BRMS1: variants seen among roughly 807,000 people sequenced by gnomAD.
The protein encoded by BRMS1 is BRMS1 transcriptional repressor and anoikis regulator.
A neutral mutation model predicts 40.4 loss-of-function variants in BRMS1; 26 were observed. That is an observed-to-expected ratio of 0.64 (90% CI 0.47 to 0.89). The LOEUF (loss-of-function observed/expected upper bound fraction) is 0.89. Among genes scored for constraint, BRMS1 ranks in the 40% least tolerant of loss-of-function variants. The pLI is 0.00. For synonymous variants in BRMS1, 103 were observed against 116.0 expected (o/e 0.89, Z 0.72); for missense variants, 289 against 309.4 (o/e 0.93, Z 0.49).
chr11:66,344,228 A>G (rs1855152851), intron 1 of BRMS1, among the ~76,000 whole-genome samples: 1 of 152,224 alleles, frequency 6.6e-6, no homozygotes, highest in African/African-American at 2.4e-5. Context: ...AATTTAACAA[A>G]AAAATTTTTT....
rs1855071824 is a variant in BRMS1, at chr11:66,341,436, C to T, written c.230+97G>A. ...CACAGCAAGCCCGGTGTTAGGCGCG[C>T]ACTTCCTGGGCACCAACCACGCCTG... On this transcript the variant is annotated intron_variant, in intron 3 of 9. Coordinates refer to ENST00000359957, the MANE Select transcript of BRMS1 (RefSeq NM_015399.4). This position sits in a 1 kb window ranked among gnomAD's most constrained non-coding sequence, Gnocchi z 4.9. 8 of 1,602,782 alleles carry T rather than the reference C, an allele frequency of 5.0e-6. No individual in the cohort carries two copies. Among genetic ancestry groups the T allele is most frequent in the Non-Finnish European group, 6.8e-6 (8 of 1,171,672 alleles).
rs1854958469 is a variant in BRMS1, at chr11:66,337,788, G to A, written c.*94C>T. The A allele has an allele frequency of 3.1e-6, 5 of 1,613,894 alleles. No homozygotes were observed. The highest frequency in any genetic ancestry group is 4.2e-6 in the Non-Finnish European group (5 of 1,179,902). On this transcript the variant is annotated 3_prime_UTR_variant, in exon 10 of 10. Transcript: ENST00000359957. ...GGAGCCTGGCTGGGCAGACCCTGAGGGGCCTGTGGGTCCGCCTGTCTGCAG... is the reference window on the plus strand; with the variant it reads ...GGAGCCTGGCTGGGCAGACCCTGAGAGGCCTGTGGGTCCGCCTGTCTGCAG...
At chr11:66,339,961 G>C (rs754500944) in intron 7 of BRMS1, 160 bp downstream of exon 7, 120 of 599,260 alleles carry the variant, frequency 2.0e-4, no homozygotes, top group Non-Finnish European at 3.4e-4. Context: ...GTAAGAAACT[G>C]CTGACAGCTG....
At chr11:66,338,360 GGC>G in intron 8 of BRMS1, 78 bp from the exon 9 acceptor site, 1 of 1,551,294 alleles carries the variant, frequency 6.4e-7, no homozygotes, top group Non-Finnish European at 8.7e-7. Context: ...CCACCTCTGT[GGC>G]TTGTGGGCTG....
At chr11:66,344,233 T>A (rs573238985) in intron 1 of BRMS1, among the ~76,000 whole-genome samples, 11 of 152,328 alleles carry the variant, frequency 7.2e-5, no homozygotes, top group Admixed American at 2.0e-4. Flanking sequence ...AACAAAAAAA[T>A]TTTTTGTGAG....
Position 66,341,543 on chromosome 11 carries a change from G to A in BRMS1, c.220C>T (p.Leu74=), listed in dbSNP as rs747521356. ...MLDLEKQFSE[L]KEKLFRERLS... ...TGTCCCCACGCTCACTTCTCCTTTA[G>A]CTCCGAGAACTGCTTCTCTAGGTCC... Residue 74 remains leucine, a synonymous_variant, in exon 3 of 10, where the codon CTA becomes TTA. Transcript: ENST00000359957. This position sits in a 1 kb window ranked among gnomAD's most constrained non-coding sequence, Gnocchi z 4.9. The A allele has an allele frequency of 6.2e-7, 1 of 1,613,984 alleles. No homozygotes were observed. Among genetic ancestry groups the A allele is most frequent in the Non-Finnish European group, 8.5e-7 (1 of 1,179,966 alleles).
In BRMS1 at chr11:66,341,501, G is replaced by T; in HGVS notation, c.230+32C>A. ...CACCACCTCCTCATCCCAGATCCTC[G>T]CAGACCCAGCCCAAGGTGTCCCCAC... On this transcript the variant is annotated intron_variant, in intron 3 of 9. Coordinates refer to ENST00000359957, the MANE Select transcript of BRMS1 (RefSeq NM_015399.4). The surrounding 1 kb of genome is among the most constrained non-coding windows in gnomAD (Gnocchi z 4.9). 6.2e-7 allele frequency: 1 copy of T among 1,610,636 alleles called. No individual in the cohort carries two copies.
intron 7 of BRMS1, among the ~76,000 whole-genome samples, chr11:66,339,529 C>A (rs1053802831): frequency 1.3e-5 from 2 of 152,186 alleles, no homozygotes; most frequent in African/African-American, 4.8e-5. Context: ...TCGGGACAGG[C>A]AGGACTTCCA....
chr11:66,343,105 A>C (rs1855121624), intron 1 of BRMS1, among the ~76,000 whole-genome samples: 1 of 152,110 alleles, frequency 6.6e-6, no homozygotes, highest in African/African-American at 2.4e-5. Context: ...AACCTCACCC[A>C]TTCCACCTAA....
rs972753531 is a variant in BRMS1, at chr11:66,337,993, T to C, written c.734-104A>G. On this transcript the variant is annotated intron_variant, in intron 9 of 9. Coordinates refer to ENST00000359957, the MANE Select transcript of BRMS1 (RefSeq NM_015399.4). ...TTGGGCTGGCCCAGAACAGGCCTCCTGGGCAGCTCCACAGCCCTCCCTGAC... is the reference window on the plus strand; with the variant it reads ...TTGGGCTGGCCCAGAACAGGCCTCCCGGGCAGCTCCACAGCCCTCCCTGAC... 10 of 1,352,656 alleles carry C rather than the reference T, an allele frequency of 7.4e-6. No homozygotes were observed. The Admixed American group carries it at 1.8e-4, about 24-fold the overall frequency. The allele number at this position is 1,352,656 out of a possible 1,614,324, so 83.8% of individuals were successfully genotyped here. A position where few individuals can be genotyped will look rare whatever the true frequency, so the allele number is the denominator to read the frequency against.
chr11:66,340,290 A>T, intron 6 of BRMS1, 77 bp from the exon 7 acceptor site: 1 of 1,348,488 alleles, frequency 7.4e-7, no homozygotes, highest in Non-Finnish European at 1.0e-6. Context: ...TGCCTCCACC[A>T]TGGGCCGGCC....
In BRMS1 at chr11:66,337,675, C is replaced by A; in HGVS notation, c.*207G>T. The A allele has an allele frequency of 6.4e-7, 1 of 1,569,742 alleles. No individual in the cohort carries two copies. On this transcript the variant is annotated 3_prime_UTR_variant, in exon 10 of 10. Transcript: ENST00000359957. ...CAGCCTTGCCTGGTCAGGTCAGCTC[C>A]ACGGCCACAGCTGTGCAGGCCTCGA...
At chr11:66,340,508 G>A (rs1590928265) in intron 6 of BRMS1, among the ~76,000 whole-genome samples, 1 of 152,322 alleles carries the variant, frequency 6.6e-6, no homozygotes, top group Middle Eastern at 3.4e-3. Flanking sequence ...ACATGGAGGG[G>A]ACTAGAGCTA....
At chr11:66,339,832 G>A (rs2134961467) in intron 7 of BRMS1, 1 of 321,144 alleles carries the variant, frequency 3.1e-6, no homozygotes, top group Non-Finnish European at 5.8e-6. Context: ...GAACTCCTGG[G>A]CCCGAGCAAT....
rs563052417 is a variant in BRMS1, at chr11:66,341,128, C to T, written c.358+78G>A. On this transcript the variant is annotated intron_variant, in intron 4 of 9. Coordinates refer to ENST00000359957, the MANE Select transcript of BRMS1 (RefSeq NM_015399.4). This position sits in a 1 kb window ranked among gnomAD's most constrained non-coding sequence, Gnocchi z 4.9. Reference sequence around the variant, plus strand: ...GAGGGCTGAGAGCAAAGGGCAAGGCCGGGCAGGAACGAGAGAGGAAGGGGA... The same window carrying T: ...GAGGGCTGAGAGCAAAGGGCAAGGCTGGGCAGGAACGAGAGAGGAAGGGGA... 1.6e-4 allele frequency: 264 copies of T among 1,612,024 alleles called. No individual in the cohort carries two copies. Among genetic ancestry groups the T allele is most frequent in the Admixed American group, 1.5e-3 (92 of 59,978 alleles).
At chr11:66,340,016 C>G (rs1347351682) in intron 7 of BRMS1, 105 bp downstream of exon 7, 2 of 856,292 alleles carry the variant, frequency 2.3e-6, no homozygotes, top group Non-Finnish European at 3.8e-6. Context: ...ACCACGAGTG[C>G]ATCTAGTGTG....
Position 66,341,179 on chromosome 11 carries a change from G to A in BRMS1, c.358+27C>T. ...CAGGGTGCCACGGGTTCTGGGAGGG[G>A]AAGAGGGTACAGAACCACCCACAGA... On this transcript the variant is annotated intron_variant, in intron 4 of 9. Coordinates refer to ENST00000359957, the MANE Select transcript of BRMS1 (RefSeq NM_015399.4). This position sits in a 1 kb window ranked among gnomAD's most constrained non-coding sequence, Gnocchi z 4.9. The A allele has an allele frequency of 6.2e-7, 1 of 1,611,374 alleles. No homozygotes were observed. The highest frequency in any genetic ancestry group is 1.3e-5 in the African/African-American group (1 of 74,964).
intron 8 of BRMS1, 121 bp downstream of exon 8, chr11:66,338,600 T>C: frequency 6.3e-7 from 1 of 1,576,386 alleles, no homozygotes. Context: ...CCAGGGACTC[T>C]GGGCTGAAGA....
chr11:66,340,748 C>T (rs371270195), intron 6 of BRMS1, 26 bp downstream of exon 6: 7 of 1,595,256 alleles, frequency 4.4e-6, no homozygotes, highest in African/African-American at 2.7e-5. Context: ...GGCCCAGTTC[C>T]GGGGTGCCCA....
Sources: gnomAD v4.1 joint callset for allele counts (sites outside exome capture counted in the v4.1 genomes callset) on GRCh38, gnomAD v4.1.1 for gene constraint, Gnocchi (gnomAD v3.1) non-coding constraint, MANE v1.5 for transcripts, NCBI Gene and HGNC (gene_info 2026-07-23, HGNC 2026-07-21) for gene names.